The following TENM3 variants were observed in gnomAD, a reference collection of about 807,000 sequenced individuals.
The protein encoded by TENM3 is teneurin transmembrane protein 3.
A neutral mutation model predicts 255.1 loss-of-function variants in TENM3; 63 were observed. That is an observed-to-expected ratio of 0.25 (90% CI 0.20 to 0.30). TENM3 has a LOEUF of 0.30. TENM3 is among the 10% of genes least tolerant of loss of function. The pLI, the probability that TENM3 is intolerant of heterozygous loss-of-function variation, is 1.00. For missense variants in TENM3, 2,929 were observed against 3,461.1 expected, an observed-to-expected ratio of 0.85 and a Z score of 3.86; for synonymous variants, 1,306 against 1,322.3, an observed-to-expected ratio of 0.99 and a Z score of 0.27.
chr4:182,163,315 A>C (rs956304284), intron 1 of TENM3, among the ~76,000 whole-genome samples: 11 of 152,112 alleles, frequency 7.2e-5, no homozygotes, highest in African/African-American at 2.7e-4. Context: ...CGATCTTGTC[A>C]CGAAGAAGCC....
the TENM3 span, among the ~76,000 whole-genome samples, chr4:181,983,643 A>G: frequency 6.6e-6 from 1 of 152,146 alleles, no homozygotes; most frequent in Non-Finnish European, 1.5e-5. Context: ...CAATACAAGC[A>G]GAAATGATTT....
At chr4:181,490,086 T>A in the TENM3 span, among the ~76,000 whole-genome samples, 1 of 152,198 alleles carries the variant, frequency 6.6e-6, no homozygotes, top group African/African-American at 2.4e-5. Flanking sequence ...ACATGTGATA[T>A]CTTAAATCGA....
chr4:181,963,639 A>C, the TENM3 span, among the ~76,000 whole-genome samples: 1 of 152,182 alleles, frequency 6.6e-6, no homozygotes, highest in South Asian at 2.1e-4. Context: ...ACAAGTTCTG[A>C]ACCTGAATGG....
At chr4:181,766,657 T>C in the TENM3 span, among the ~76,000 whole-genome samples, 1 of 150,618 alleles carries the variant, frequency 6.6e-6, no homozygotes, top group Non-Finnish European at 1.5e-5. Context: ...AAAGGATTCC[T>C]CAGAAGCATA....
At chr4:182,008,283 T>C in the TENM3 span, among the ~76,000 whole-genome samples, 1 of 152,138 alleles carries the variant, frequency 6.6e-6, no homozygotes, top group Non-Finnish European at 1.5e-5. Flanking sequence ...TTTCCTGTCT[T>C]GCTAGGCTGG....
chr4:182,296,615 ACCT>A (rs1375980729), intron 1 of TENM3, among the ~76,000 whole-genome samples: 2 of 152,198 alleles, frequency 1.3e-5, no homozygotes. Flanking sequence ...AAGCTCAGAG[ACCT>A]CCTGTTTTGA....
chr4:182,615,130 T>G (rs1242863439), intron 4 of TENM3, among the ~76,000 whole-genome samples: 1 of 150,008 alleles, frequency 6.7e-6, no homozygotes, highest in Non-Finnish European at 1.5e-5. Flanking sequence ...AGATTATATT[T>G]GTGTGTGTGT....
At chr4:181,895,966 A>G in the TENM3 span, among the ~76,000 whole-genome samples, 6 of 152,168 alleles carry the variant, frequency 3.9e-5, no homozygotes, top group Non-Finnish European at 7.4e-5. Context: ...GTTTAAAGGT[A>G]GTTGATTTTC....
chr4:182,407,059 T>A (rs1043126688), intron 3 of TENM3, among the ~76,000 whole-genome samples: 43 of 152,184 alleles, frequency 2.8e-4, no homozygotes, highest in Non-Finnish European at 8.8e-5. Flanking sequence ...GGAACTTTTT[T>A]ATCCATGGTT....
At chr4:182,513,594 G>C (rs1193069714) in intron 3 of TENM3, among the ~76,000 whole-genome samples, 4 of 152,154 alleles carry the variant, frequency 2.6e-5, no homozygotes, top group Non-Finnish European at 2.9e-5. Context: ...TTTGTAGTAA[G>C]AGAGTTAGTA....
At chr4:182,578,929 A>C (rs1745211749) in intron 3 of TENM3, among the ~76,000 whole-genome samples, 1 of 152,148 alleles carries the variant, frequency 6.6e-6, no homozygotes, top group Non-Finnish European at 1.5e-5. Context: ...TCTACACTTT[A>C]AGCCTTCGAA....
At chr4:181,958,982 G>A in the TENM3 span, among the ~76,000 whole-genome samples, 1 of 152,082 alleles carries the variant, frequency 6.6e-6, no homozygotes, top group Admixed American at 6.5e-5. Flanking sequence ...TAATACACAA[G>A]TATAATTATA....
intron 6 of TENM3, among the ~76,000 whole-genome samples, chr4:182,667,932 A>G (rs193212608): frequency 3.9e-5 from 6 of 151,906 alleles, no homozygotes; most frequent in Non-Finnish European, 8.8e-5. Context: ...CGTGTACCCT[A>G]GAACTTAAAG....
chr4:182,153,479 A>G (rs980390289), intron 1 of TENM3, among the ~76,000 whole-genome samples: 2 of 152,126 alleles, frequency 1.3e-5, no homozygotes, highest in Non-Finnish European at 2.9e-5. Context: ...CTTGCATTTC[A>G]TTCAAGTATG....
intron 3 of TENM3, among the ~76,000 whole-genome samples, chr4:182,348,412 GT>G (rs1362877540): frequency 6.6e-6 from 1 of 152,102 alleles, no homozygotes; most frequent in African/African-American, 2.4e-5. Context: ...CTGTCCAGCT[GT>G]ACTTCACATA....
At chr4:182,354,922 G>A (rs535540398) in intron 3 of TENM3, among the ~76,000 whole-genome samples, 12 of 152,226 alleles carry the variant, frequency 7.9e-5, no homozygotes, top group East Asian at 1.9e-4. Context: ...TTCATTCAAC[G>A]AATCATAAAT....
intron 1 of TENM3, among the ~76,000 whole-genome samples, chr4:182,229,622 G>GTATA (rs147808003): frequency 6.7e-5 from 10 of 149,002 alleles, no homozygotes; most frequent in African/African-American, 2.2e-4. Context: ...ATATATATGT[G>GTATA]TATATATATA....
chr4:181,448,125 C>T, the TENM3 span, among the ~76,000 whole-genome samples: 1 of 148,766 alleles, frequency 6.7e-6, no homozygotes. Context: ...ATCAAGTGTC[C>T]AGTTGACAGG....
At chr4:181,454,682 CT>C in the TENM3 span, among the ~76,000 whole-genome samples, 31 of 148,254 alleles carry the variant, frequency 2.1e-4, no homozygotes, top group East Asian at 5.2e-3. Context: ...CATTTTTATA[CT>C]TTTTTTTTCT....
Sources: gnomAD v4.1 joint callset for allele counts (sites outside exome capture counted in the v4.1 genomes callset) on GRCh38, gnomAD v4.1.1 for gene constraint, MANE v1.5 for transcripts, NCBI Gene and HGNC (gene_info 2026-07-23, HGNC 2026-07-21) for gene names.